The following PDK2 variants were observed in gnomAD, a reference collection of about 807,000 sequenced individuals.
PDK2 encodes the protein pyruvate dehydrogenase kinase 2, also known as pyruvate dehydrogenase kinase, isozyme 2.
PDK2 carries 34 observed loss-of-function variants against 50.4 expected under a neutral mutation model. That is an observed-to-expected ratio of 0.68 (90% CI 0.51 to 0.90). The LOEUF (loss-of-function observed/expected upper bound fraction) is 0.90, where lower values mean the gene tolerates loss of function less well. Among genes scored for constraint, PDK2 ranks in the 40% least tolerant of loss-of-function variants. The pLI is 0.00. For missense variants in PDK2, 377 were observed against 544.5 expected (o/e 0.69, Z 3.06); for synonymous variants, 232 against 216.0 (o/e 1.07, Z -0.65).
In PDK2 at chr17:50,109,930, G is replaced by A. The variant is rs770363137; in HGVS notation, c.1084-27G>A. The A allele has an allele frequency of 9.3e-6, 14 of 1,505,404 alleles. No individual in the cohort carries two copies. In the Admixed American group the frequency reaches 2.7e-4, roughly 29 times the overall value. 93.3% of individuals were successfully genotyped at this position (1,505,404 alleles called of 1,614,324 possible). On this transcript the variant is annotated intron_variant, in intron 10 of 10. Transcript: ENST00000503176. The surrounding 1 kb of genome is among the most constrained non-coding windows in gnomAD (Gnocchi z 5.0). ...GGAGTGGACAAGGCACAGGGAGGTG[G>A]GAGGGGCTGACCCTGACACTCCCCA...
At chr17:50,097,828 G>A (rs927249267) in intron 2 of PDK2, 1 of 387,836 alleles carries the variant, frequency 2.6e-6, no homozygotes, top group African/African-American at 2.0e-5. Flanking sequence ...ACCTAGGAAA[G>A]CATGGTTTTC....
Position 50,110,817 on chromosome 17 carries a change from C to T in PDK2, c.*720C>T, listed in dbSNP as rs1910789602. ...CATGTCCTCACATGCTCATGCCCACCCGCTCCTCCACAAGCCTAGTCCATC... is the reference window on the plus strand; with the variant it reads ...CATGTCCTCACATGCTCATGCCCACTCGCTCCTCCACAAGCCTAGTCCATC... On this transcript the variant is annotated 3_prime_UTR_variant, in exon 11 of 11. Coordinates refer to ENST00000503176, the MANE Select transcript of PDK2 (RefSeq NM_002611.5). 6.6e-6 allele frequency: 1 copy of T among 152,366 alleles called. No individual in the cohort carries two copies. The highest frequency in any genetic ancestry group is 1.5e-5 in the Non-Finnish European group (1 of 68,160). The allele number at this position is 152,366 out of a possible 1,614,324, so 9.4% of individuals were successfully genotyped here.
chr17:50,100,545 G>A (rs1232807617), intron 2 of PDK2, among the ~76,000 whole-genome samples: 1 of 152,160 alleles, frequency 6.6e-6, no homozygotes, highest in East Asian at 1.9e-4. Context: ...CAGGCTGCCG[G>A]GCAGCAACAC....
intron 3 of PDK2, among the ~76,000 whole-genome samples, 171 bp from the exon 4 acceptor site, chr17:50,105,714 C>G (rs1007845391): frequency 5.3e-5 from 8 of 152,186 alleles, no homozygotes; most frequent in Admixed American, 3.3e-4. Context: ...GAGTGGGAAG[C>G]CTGCCGGCAG....
At chr17:50,108,503 A>G in intron 8 of PDK2, 86 bp downstream of exon 8, 1 of 1,227,474 alleles carries the variant, frequency 8.1e-7, no homozygotes, top group Non-Finnish European at 1.1e-6. Context: ...TTTCTCCTAC[A>G]TGGTGGGCAG....
In PDK2 at chr17:50,109,490, T is replaced by C. The variant is rs1260479150; in HGVS notation, c.1083+90T>C. The C allele has an allele frequency of 1.0e-5, 7 of 682,082 alleles. No individual in the cohort carries two copies. The highest frequency in any genetic ancestry group is 7.3e-5 in the African/African-American group (4 of 54,468). 42.3% of individuals were successfully genotyped at this position (682,082 alleles called of 1,614,324 possible). ...GGCCAGCTGCGAGCTTTCCTTTCCATCCCCCCAGTCCTTCCCTGGCCCCAG... is the reference window on the plus strand; with the variant it reads ...GGCCAGCTGCGAGCTTTCCTTTCCACCCCCCCAGTCCTTCCCTGGCCCCAG... On this transcript the variant is annotated intron_variant, in intron 10 of 10. Coordinates refer to ENST00000503176, the MANE Select transcript of PDK2 (RefSeq NM_002611.5). This position sits in a 1 kb window ranked among gnomAD's most constrained non-coding sequence, Gnocchi z 5.0.
At position 50,108,854 on chromosome 17, in the gene PDK2, C is replaced by T. The variant is rs1910663699; in HGVS notation, c.969+135C>T. On this transcript the variant is annotated intron_variant, in intron 9 of 10. Transcript: ENST00000503176. ...CACCTGTCTTGAATCTGGGCCCCCG[C>T]ACCTCCCACATCTCCCCAGTCTGCA... 3 of 632,800 alleles carry T rather than the reference C, an allele frequency of 4.7e-6. No individual in the cohort carries two copies. The South Asian group carries it at 5.5e-5, about 12-fold the overall frequency. The allele number at this position is 632,800 out of a possible 1,614,324, so 39.2% of individuals were successfully genotyped here.
rs560287716 is a variant in PDK2, at chr17:50,106,206, A to G, written c.517+137A>G. 1.0e-5 allele frequency: 15 copies of G among 1,463,662 alleles called. 1 individual carries two copies. In the African/African-American group the frequency reaches 1.4e-4, roughly 14 times the overall value. The allele number at this position is 1,463,662 out of a possible 1,614,324, so 90.7% of individuals were successfully genotyped here. ...TCTTTGAATAGTTACTCCAGTAACT[A>G]TGGAGTTAATGGCTCCAACATGGAA... is the stretch of plus-strand genomic sequence containing the variant. On this transcript the variant is annotated intron_variant, in intron 4 of 10. Transcript: ENST00000503176.
At chr17:50,108,291 T>C (rs753922702) in intron 7 of PDK2, 28 bp from the exon 8 acceptor site, 4 of 1,610,754 alleles carry the variant, frequency 2.5e-6, no homozygotes, top group South Asian at 1.1e-5. Context: ...GCTTCTCCCA[T>C]GCATCTCTTA....
At chr17:50,099,201 G>A (rs1054949391) in intron 2 of PDK2, among the ~76,000 whole-genome samples, 1 of 152,086 alleles carries the variant, frequency 6.6e-6, no homozygotes, top group Non-Finnish European at 1.5e-5. Flanking sequence ...GCCCTCCTCC[G>A]GCTCTATCCG....
chr17:50,106,985 G>A, intron 5 of PDK2, 91 bp from the exon 6 acceptor site: 1 of 1,472,668 alleles, frequency 6.8e-7, no homozygotes, highest in Non-Finnish European at 9.5e-7. Flanking sequence ...GGGTGCCATG[G>A]ATTTAATGCT....
intron 2 of PDK2, among the ~76,000 whole-genome samples, chr17:50,103,698 G>A (rs77234892): frequency 0.13 from 19,862 of 152,174 alleles, 1,469 homozygotes; most frequent in Non-Finnish European, 0.15. Flanking sequence ...AGGCAAGAGC[G>A]AGAAGAGCAG....
intron 2 of PDK2, among the ~76,000 whole-genome samples, chr17:50,100,526 G>T (rs1053832252): frequency 1.3e-5 from 2 of 152,184 alleles, no homozygotes; most frequent in African/African-American, 4.8e-5. Flanking sequence ...CCAATACAAG[G>T]CATATCCCCA....
chr17:50,106,271 A>G, intron 4 of PDK2: 1 of 1,390,056 alleles, frequency 7.2e-7, no homozygotes, highest in East Asian at 2.6e-5. Flanking sequence ...CCATTTCAAA[A>G]CGTTTTGTTT....
Position 50,108,366 on chromosome 17 carries a change from C to T in PDK2, c.810C>T (p.Leu270=), listed in dbSNP as rs775385432. ...AAAGCCATGAGTCCAGCCTCATTCT[C>T]CCACCCATCAAGGTCATGGTGGCCT... ...TVESHESSLI[L]PPIKVMVALG... The change falls in exon 8 of 11, where the codon CTC becomes CTT. Residue 270 remains leucine (L), a synonymous_variant. Coordinates refer to ENST00000503176, the MANE Select transcript of PDK2 (RefSeq NM_002611.5). The T allele has an allele frequency of 5.6e-6, 9 of 1,614,016 alleles. No individual in the cohort carries two copies. Among genetic ancestry groups the T allele is most frequent in the South Asian group, 1.1e-5 (1 of 91,078 alleles).
At position 50,105,878 on chromosome 17, in the gene PDK2, C is replaced by T; in HGVS notation, c.333-7C>T. On this transcript the variant is annotated splice_polypyrimidine_tract_variant and splice_region_variant and intron_variant, in intron 3 of 10. Coordinates refer to ENST00000503176, the MANE Select transcript of PDK2 (RefSeq NM_002611.5). ...TGTCCCATGTGAACATCTGCCCTGCCCCACAGGTTCACTGACGCCCTGGTC... is the reference window on the plus strand; with the variant it reads ...TGTCCCATGTGAACATCTGCCCTGCTCCACAGGTTCACTGACGCCCTGGTC... 6.2e-7 allele frequency: 1 copy of T among 1,612,650 alleles called. No individual in the cohort carries two copies. The highest frequency in any genetic ancestry group is 1.3e-5 in the African/African-American group (1 of 74,998).
chr17:50,098,003 G>C (rs1364903933), intron 2 of PDK2, among the ~76,000 whole-genome samples: 1 of 152,206 alleles, frequency 6.6e-6, no homozygotes, highest in Admixed American at 6.5e-5. Context: ...AAGACAGACT[G>C]TTTTGGATGT....
rs1222944390 is a variant in PDK2, at chr17:50,095,422, C to T, written c.-14C>T. ...CGCGCGGGGACCACAACCAAAGTCGCGGCCGCCGCAGCCATGCGCTGGGTG... is the reference window on the plus strand; with the variant it reads ...CGCGCGGGGACCACAACCAAAGTCGTGGCCGCCGCAGCCATGCGCTGGGTG... On this transcript the variant is annotated 5_prime_UTR_variant, in exon 1 of 11. Coordinates refer to ENST00000503176, the MANE Select transcript of PDK2 (RefSeq NM_002611.5). The T allele has an allele frequency of 6.3e-7, 1 of 1,584,440 alleles. No individual in the cohort carries two copies. The highest frequency in any genetic ancestry group is 1.8e-5 in the Admixed American group (1 of 56,596).
chr17:50,098,139 C>G (rs1245228611), intron 2 of PDK2, among the ~76,000 whole-genome samples: 1 of 152,218 alleles, frequency 6.6e-6, no homozygotes. Flanking sequence ...AGAGTTCACT[C>G]AAGAACTCAA....
Sources: allele counts gnomAD v4.1 joint callset (sites outside exome capture counted in the v4.1 genomes callset), GRCh38; gene constraint gnomAD v4.1.1; non-coding constraint Gnocchi (gnomAD v3.1); transcripts MANE v1.5; gene names NCBI Gene and HGNC (gene_info 2026-07-23, HGNC 2026-07-21).